The following C18orf63 variants were observed in gnomAD, a reference collection of about 807,000 sequenced individuals.
The protein encoded by C18orf63 is chromosome 18 open reading frame 63.
Under a neutral mutation model 75.3 loss-of-function variants are expected in C18orf63, and 50 were observed. That is an observed-to-expected ratio of 0.66 (90% CI 0.53 to 0.84). The LOEUF (loss-of-function observed/expected upper bound fraction) is 0.84, where lower values mean the gene tolerates loss of function less well. Among genes scored for constraint, C18orf63 ranks in the 40% least tolerant of loss-of-function variants. C18orf63 has a pLI of 0.00. For missense variants in C18orf63, 732 were observed against 800.2 expected, an observed-to-expected ratio of 0.91 and a Z score of 1.03; for synonymous variants, 232 against 267.6, an observed-to-expected ratio of 0.87 and a Z score of 1.30.
intron 13 of C18orf63, among the ~76,000 whole-genome samples, chr18:74,355,499 A>T (rs971883073): frequency 1.3e-5 from 2 of 148,892 alleles, no homozygotes; most frequent in Non-Finnish European, 3.0e-5. Context: ...TTAAAAAGTC[A>T]TCCAGGAGGG....
intron 2 of C18orf63, 37 bp downstream of exon 2, chr18:74,318,036 C>G: frequency 1.5e-6 from 2 of 1,341,728 alleles, no homozygotes. Flanking sequence ...ACTTTTAAAA[C>G]TTTGAGACCT....
chr18:74,348,103 TAGG>T (rs1984604327), intron 11 of C18orf63, among the ~76,000 whole-genome samples: 1 of 152,200 alleles, frequency 6.6e-6, no homozygotes, highest in African/African-American at 2.4e-5. Context: ...GACTTATTTT[TAGG>T]AGTTTTATTT....
chr18:74,316,709 G>A (rs1418463310), intron 1 of C18orf63, among the ~76,000 whole-genome samples: 2 of 152,126 alleles, frequency 1.3e-5, no homozygotes, highest in African/African-American at 2.4e-5. Flanking sequence ...TGTTAATAGC[G>A]CATCCGTAGA....
At chr18:74,336,480 T>C (rs185362903) in intron 7 of C18orf63, among the ~76,000 whole-genome samples, 10 of 152,210 alleles carry the variant, frequency 6.6e-5, no homozygotes, top group Admixed American at 5.9e-4. Flanking sequence ...CCTCTCTTGA[T>C]TTATCTGAAA....
rs1298472666 is a variant in C18orf63, at chr18:74,356,781, C to T, written c.*334C>T. 6.6e-6 allele frequency: 1 copy of T among 152,046 alleles called. No homozygotes were observed. Among genetic ancestry groups the T allele is most frequent in the East Asian group, 1.9e-4 (1 of 5,186 alleles). The allele number at this position is 152,046 out of a possible 1,614,324, so 9.4% of individuals were successfully genotyped here. On this transcript the variant is annotated 3_prime_UTR_variant, in exon 14 of 14. Transcript: ENST00000579455. Reference sequence around the variant, plus strand: ...TAGTTGAAAATATCTTTATTTTGCCCTTATTGAAATTATCAAACCACATAA... The same window carrying T: ...TAGTTGAAAATATCTTTATTTTGCCTTTATTGAAATTATCAAACCACATAA...
At chr18:74,332,480 G>A (rs758104940) in intron 7 of C18orf63, among the ~76,000 whole-genome samples, 2 of 152,160 alleles carry the variant, frequency 1.3e-5, no homozygotes, top group Non-Finnish European at 2.9e-5. Flanking sequence ...CGAAGTGGGT[G>A]GATCACGAGG....
intron 13 of C18orf63, among the ~76,000 whole-genome samples, chr18:74,356,106 A>G (rs954435683): frequency 2.0e-5 from 3 of 152,202 alleles, no homozygotes; most frequent in Non-Finnish European, 4.4e-5. Context: ...GGTAGAAGGA[A>G]TAACGAGAAC....
chr18:74,344,549 C>T (rs534270070), intron 11 of C18orf63, among the ~76,000 whole-genome samples: 1 of 152,190 alleles, frequency 6.6e-6, no homozygotes, highest in East Asian at 1.9e-4. Context: ...TCCTTTCCTC[C>T]TCCCAAAAGG....
intron 3 of C18orf63, among the ~76,000 whole-genome samples, chr18:74,322,481 G>A (rs894791293): frequency 1.3e-5 from 2 of 152,082 alleles, no homozygotes; most frequent in Non-Finnish European, 2.9e-5. Flanking sequence ...CTGGGGTCAT[G>A]TCACTCCTAG....
At chr18:74,338,475 G>A (rs1196246164) in intron 7 of C18orf63, among the ~76,000 whole-genome samples, 1 of 152,052 alleles carries the variant, frequency 6.6e-6, no homozygotes, top group Non-Finnish European at 1.5e-5. Flanking sequence ...CAAAATAGGA[G>A]TTTGGGCTTG....
In C18orf63 at chr18:74,329,033, G is replaced by A. The variant is rs190419751; in HGVS notation, c.421G>A (p.Val141Ile). The stretch of plus-strand genomic sequence containing the variant: ...TTCTCAGATGGGAAAACAAAGTGCT[G>A]TTGGTAAGTAAAAATGCATAAGTCA... Reference protein sequence around the residue: ...FLSQMGKQSAVVLNINVTETQ... With the variant: ...FLSQMGKQSAIVLNINVTETQ... Residue 141 changes from valine to isoleucine, a missense_variant, in exon 6 of 14, where the codon GTT becomes ATT. By Grantham distance (29) the Val-to-Ile change is conservative. Around this residue, in one of 3 missense-constraint regions of C18orf63, gnomAD observed 233 missense variants for 272.7 expected, o/e 0.85. Transcript: ENST00000579455. 2.0e-6 allele frequency: 3 copies of A among 1,500,830 alleles called. No individual in the cohort carries two copies. Among genetic ancestry groups the A allele is most frequent in the Admixed American group, 2.0e-5 (1 of 50,914 alleles). 93.0% of individuals were successfully genotyped at this position (1,500,830 alleles called of 1,614,324 possible).
intron 3 of C18orf63, 59 bp from the exon 4 acceptor site, chr18:74,322,639 T>C: frequency 1.9e-6 from 1 of 535,192 alleles, no homozygotes; most frequent in Non-Finnish European, 3.1e-6. Context: ...CTTTATTGCA[T>C]TATTTAATTA....
intron 10 of C18orf63, among the ~76,000 whole-genome samples, chr18:74,343,266 C>A (rs555502031): frequency 2.0e-5 from 3 of 152,096 alleles, no homozygotes; most frequent in East Asian, 1.9e-4. Context: ...TCACAGTTGC[C>A]TTTCCATTTA....
intron 12 of C18orf63, 52 bp downstream of exon 12, chr18:74,354,320 C>T: frequency 7.2e-7 from 1 of 1,393,540 alleles, no homozygotes. Flanking sequence ...ACCCTTAAAA[C>T]CCCTAAATAA....
At position 74,353,711 on chromosome 18, in the gene C18orf63, A is replaced by C. The variant is rs1984710294; in HGVS notation, c.1444A>C (p.Asn482His). ...TAGTATGATCCAGCATGACAAACTG[A>C]ATTTAGGTCCAGCTATAAAAAACCG... ...KTSMIQHDKLNLGPAIKNRYS... is the reference protein window; with the variant it reads ...KTSMIQHDKLHLGPAIKNRYS... Residue 482 changes from asparagine (N) to histidine (H), a missense_variant, in exon 12 of 14, where the codon AAT (asparagine) becomes CAT (histidine). This residue lies in a region of C18orf63 where 495 missense variants were observed against 508.7 expected (regional missense o/e 0.97). Coordinates refer to ENST00000579455, the MANE Select transcript of C18orf63 (RefSeq NM_001174123.2). 6.5e-7 allele frequency: 1 copy of C among 1,535,954 alleles called. No homozygotes were observed. The highest frequency in any genetic ancestry group is 1.2e-5 in the South Asian group (1 of 84,068).
chr18:74,342,457 T>C, intron 10 of C18orf63, 131 bp downstream of exon 10: 1 of 604,738 alleles, frequency 1.7e-6, no homozygotes. Flanking sequence ...CATTTCCTCC[T>C]ACTTCTTATC....
intron 11 of C18orf63, among the ~76,000 whole-genome samples, chr18:74,348,592 A>G (rs940452339): frequency 2.6e-5 from 4 of 152,212 alleles, no homozygotes; most frequent in African/African-American, 9.6e-5. Context: ...ATAAAGTTAC[A>G]TAAGTTGTAT....
intron 11 of C18orf63, 80 bp from the exon 12 acceptor site, chr18:74,353,166 T>C: frequency 1.1e-6 from 1 of 933,284 alleles, no homozygotes; most frequent in Non-Finnish European, 1.6e-6. Flanking sequence ...CTTATTTGGA[T>C]GATACTTTAT....
At chr18:74,343,153 TCTAA>T (rs1274775393) in intron 10 of C18orf63, among the ~76,000 whole-genome samples, 1 of 152,194 alleles carries the variant, frequency 6.6e-6, no homozygotes, top group African/African-American at 2.4e-5. Context: ...GTCCTGAATT[TCTAA>T]CTGTTTTTGG....
Sources: gnomAD v4.1 joint callset for allele counts (sites outside exome capture counted in the v4.1 genomes callset) on GRCh38, gnomAD v4.1.1 for gene constraint, gnomAD v4.1.1 regional missense constraint, MANE v1.5 for transcripts, NCBI Gene and HGNC (gene_info 2026-07-23, HGNC 2026-07-21) for gene names.